ZFYVE28: variants seen among roughly 807,000 people sequenced by gnomAD.
ZFYVE28 encodes lateral signaling target protein 2 homolog.
In ZFYVE28, 40 loss-of-function variants were observed where a neutral mutation model predicts 82.1. That is an observed-to-expected ratio of 0.49 (90% CI 0.38 to 0.63). The LOEUF (loss-of-function observed/expected upper bound fraction) is 0.63, where lower values mean the gene tolerates loss of function less well. Among genes scored for constraint, ZFYVE28 ranks in the 30% least tolerant of loss-of-function variants. ZFYVE28 has a pLI of 0.00. For missense variants in ZFYVE28, 1,321 were observed against 1,242.1 expected (o/e 1.06, Z -0.96); for synonymous variants, 612 against 546.1 (o/e 1.12, Z -1.68).
rs1033314343 is a variant in ZFYVE28, at chr4:2,418,044, G to A, written c.39+241C>T. On this transcript the variant is annotated intron_variant, in intron 1 of 12. Transcript: ENST00000290974. This position sits in a 1 kb window ranked among gnomAD's most constrained non-coding sequence, Gnocchi z 4.6. ...AAAGTGCGCCCCGGCCCGAGAGGAG[G>A]AGCAGGAGGGTCAGTCCTGGACCCG... Among the ~76,000 whole-genome samples, 1 of 151,936 alleles carries A rather than the reference G, an allele frequency of 6.6e-6. No individual in the cohort carries two copies. The highest frequency in any genetic ancestry group is 6.6e-5 in the Admixed American group (1 of 15,264).
At chr4:2,346,972 A>G (rs1723694621) in intron 2 of ZFYVE28, among the ~76,000 whole-genome samples, 1 of 152,232 alleles carries the variant, frequency 6.6e-6, no homozygotes, top group Admixed American at 6.5e-5. Context: ...AAAAACCCCA[A>G]ATAAAAGACA....
In ZFYVE28 at chr4:2,341,231, T is replaced by C. The variant is rs1477796486; in HGVS notation, c.318+247A>G. The C allele has an allele frequency of 2.2e-5, 13 of 583,808 alleles. No individual in the cohort carries two copies. The highest frequency in any genetic ancestry group is 2.1e-4 in the East Asian group (7 of 33,482). 36.2% of individuals were successfully genotyped at this position (583,808 alleles called of 1,614,324 possible). A position where few individuals can be genotyped will look rare whatever the true frequency, so the allele number is the denominator to read the frequency against. On this transcript the variant is annotated intron_variant, in intron 3 of 12. Coordinates refer to ENST00000290974, the MANE Select transcript of ZFYVE28 (RefSeq NM_020972.3). This position sits in a 1 kb window ranked among gnomAD's most constrained non-coding sequence, Gnocchi z 4.5. ...GCTGTCTGGGGGCCTGTGAACCTCATAAAAACCACATGGGAAATTTCATTT... is the reference window on the plus strand; with the variant it reads ...GCTGTCTGGGGGCCTGTGAACCTCACAAAAACCACATGGGAAATTTCATTT...
intron 8 of ZFYVE28, among the ~76,000 whole-genome samples, chr4:2,297,128 C>G (rs1236756935): frequency 2.0e-5 from 3 of 152,398 alleles, no homozygotes; most frequent in Non-Finnish European, 2.9e-5. Flanking sequence ...AGCCCAGCAG[C>G]AGGTGACTCC....
chr4:2,398,040 G>GC (rs1420038496), intron 1 of ZFYVE28, among the ~76,000 whole-genome samples: 1 of 150,842 alleles, frequency 6.6e-6, no homozygotes, highest in East Asian at 2.0e-4. Flanking sequence ...GATGGGAGGG[G>GC]GGGTCCTGGC....
intron 1 of ZFYVE28, among the ~76,000 whole-genome samples, chr4:2,414,247 A>C (rs1181487892): frequency 6.6e-6 from 1 of 152,264 alleles, no homozygotes; most frequent in South Asian, 2.1e-4. Flanking sequence ...TCCCATACTC[A>C]GTACTGCTCA....
At chr4:2,312,726 C>CAAAAAAA (rs1170479977) in intron 7 of ZFYVE28, among the ~76,000 whole-genome samples, 2 of 64,932 alleles carry the variant, frequency 3.1e-5, no homozygotes, top group African/African-American at 6.7e-5. Context: ...GACTCTGCCT[C>CAAAAAAA]AAAAAAAAAA....
rs762676626 is a variant in ZFYVE28, at chr4:2,271,753, A to G, written c.2350T>C (p.Leu784=). The part of the protein sequence containing the change: ...KVTQTLRSAA[L]EDCALCQETL... ...TCCTGGCACAGTGCACAGTCCTCCA[A>G]GGCCGCACTCCGCAGAGTCTGGGTG... Residue 784 remains leucine (L), a synonymous_variant, in exon 11 of 13, where the codon TTG becomes CTG. Coordinates refer to ENST00000290974, the MANE Select transcript of ZFYVE28 (RefSeq NM_020972.3). 1.1e-5 allele frequency: 18 copies of G among 1,613,658 alleles called. No homozygotes were observed. The highest frequency in any genetic ancestry group is 1.5e-5 in the Non-Finnish European group (18 of 1,179,956).
Position 2,299,343 on chromosome 4 carries a change from T to A in ZFYVE28, c.2051+4946A>T, listed in dbSNP as rs536257698. ...TGGAGTTGGAAGTGTTGGCGAGGGATGGCACTGCTGGGGGTAATCAGCTCT... is the reference window on the plus strand; with the variant it reads ...TGGAGTTGGAAGTGTTGGCGAGGGAAGGCACTGCTGGGGGTAATCAGCTCT... On this transcript the variant is annotated intron_variant, in intron 8 of 12. Transcript: ENST00000290974. Among the ~76,000 whole-genome samples the A allele has an allele frequency of 2.0e-5, 3 of 152,036 alleles. No individual in the cohort carries two copies. In the South Asian group the frequency reaches 6.2e-4, roughly 32 times the overall value.
intron 6 of ZFYVE28, among the ~76,000 whole-genome samples, chr4:2,321,556 T>C (rs1719076513): frequency 6.6e-6 from 1 of 151,956 alleles, no homozygotes; most frequent in South Asian, 2.1e-4. Flanking sequence ...TTGGTCTCCT[T>C]TGTGGCTCTT....
At chr4:2,361,344 C>T (rs1052435159) in intron 1 of ZFYVE28, among the ~76,000 whole-genome samples, 3 of 152,222 alleles carry the variant, frequency 2.0e-5, no homozygotes, top group African/African-American at 7.2e-5. Context: ...TTAATTCATT[C>T]GAGCCCCTGG....
Position 2,304,864 on chromosome 4 carries a change from C to T in ZFYVE28, c.1476G>A (p.Glu492=), listed in dbSNP as rs1716292995. 4 of 1,612,556 alleles carry T rather than the reference C, an allele frequency of 2.5e-6. No homozygotes were observed. The highest frequency in any genetic ancestry group is 1.3e-5 in the African/African-American group (1 of 74,936). The change falls in exon 8 of 13, where the codon GAG becomes GAA. Residue 492 remains glutamate, a synonymous_variant. Coordinates refer to ENST00000290974, the MANE Select transcript of ZFYVE28 (RefSeq NM_020972.3). ...LDSRLHLDGW[E]VGADDAETAE... is the part of the protein sequence containing the mutation. ...CCGTCTCTGCGTCATCCGCACCCAC[C>T]TCCCAGCCGTCCAGGTGCAGCCGCG...
chr4:2,384,484 C>T (rs1200053644), intron 1 of ZFYVE28, among the ~76,000 whole-genome samples: 5 of 152,226 alleles, frequency 3.3e-5, no homozygotes, highest in East Asian at 3.9e-4. Flanking sequence ...CCACCAGGAC[C>T]GTGACAAATG....
intron 1 of ZFYVE28, among the ~76,000 whole-genome samples, chr4:2,415,450 C>G (rs1732931145): frequency 2.0e-5 from 1 of 50,982 alleles, no homozygotes; most frequent in African/African-American, 1.5e-4. Context: ...GACCCTGTCT[C>G]TACACACACA....
At chr4:2,281,632 C>T (rs1190183364) in intron 8 of ZFYVE28, among the ~76,000 whole-genome samples, 2 of 152,236 alleles carry the variant, frequency 1.3e-5, no homozygotes, top group Non-Finnish European at 2.9e-5. Context: ...GACCTCATCA[C>T]CTCTTTAAGG....
At chr4:2,337,223 T>G (rs1337059712) in intron 5 of ZFYVE28, among the ~76,000 whole-genome samples, 184 bp downstream of exon 5, 1 of 151,972 alleles carries the variant, frequency 6.6e-6, no homozygotes, top group African/African-American at 2.4e-5. Context: ...AGGGGTGGCC[T>G]CTACCCTCTG....
intron 1 of ZFYVE28, among the ~76,000 whole-genome samples, chr4:2,401,459 C>T (rs1447755441): frequency 2.0e-5 from 3 of 152,196 alleles, no homozygotes; most frequent in African/African-American, 7.2e-5. Context: ...GGGACACACC[C>T]TCCCGGCCGG....
intron 2 of ZFYVE28, among the ~76,000 whole-genome samples, chr4:2,352,257 G>A (rs562253819): frequency 7.2e-5 from 11 of 152,240 alleles, no homozygotes; most frequent in Admixed American, 6.5e-5. Context: ...CTGGATCTGC[G>A]GGGAGGAGAA....
intron 8 of ZFYVE28, among the ~76,000 whole-genome samples, chr4:2,297,447 C>CGGTGGGT (rs1714763785): frequency 6.6e-6 from 1 of 152,168 alleles, no homozygotes; most frequent in African/African-American, 2.4e-5. Context: ...AGGTGGGGCG[C>CGGTGGGT]GGTGGGTGGA....
intron 1 of ZFYVE28, among the ~76,000 whole-genome samples, chr4:2,356,327 GC>G (rs974770324): frequency 1.3e-5 from 2 of 152,324 alleles, no homozygotes; most frequent in African/African-American, 4.8e-5. Flanking sequence ...TCCGGCAGAT[GC>G]TGCCTGAGCA....
Sources: allele counts gnomAD v4.1 joint callset (sites outside exome capture counted in the v4.1 genomes callset), GRCh38; gene constraint gnomAD v4.1.1; non-coding constraint Gnocchi (gnomAD v3.1); transcripts MANE v1.5; gene names NCBI Gene and HGNC (gene_info 2026-07-23, HGNC 2026-07-21).